SPDYC: variants seen among roughly 807,000 people sequenced by gnomAD.
The protein encoded by SPDYC is speedy/RINGO cell cycle regulator family member C, also known as speedy protein C.
Under a neutral mutation model 33.9 loss-of-function variants are expected in SPDYC, and 25 were observed. That is an observed-to-expected ratio of 0.74 (90% CI 0.54 to 1.03). The LOEUF (loss-of-function observed/expected upper bound fraction) is 1.03, where lower values mean the gene tolerates loss of function less well. Among genes scored for constraint, SPDYC ranks in the 50% least tolerant of loss-of-function variants. The probability of loss-of-function intolerance (pLI) is 0.00; values close to 1 mark genes in which losing one functional copy is unlikely to be tolerated. For synonymous variants in SPDYC, 133 were observed against 140.2 expected, an observed-to-expected ratio of 0.95 and a Z score of 0.36; for missense variants, 349 against 382.9, an observed-to-expected ratio of 0.91 and a Z score of 0.74.
At chr11:65,171,267 C>T in intron 1 of SPDYC, 60 bp from the exon 2 acceptor site, 1 of 1,550,448 alleles carries the variant, frequency 6.4e-7, no homozygotes, top group Non-Finnish European at 8.7e-7. Context: ...TGTCACCACC[C>T]TCTTGATTTG....
intron 1 of SPDYC, 86 bp downstream of exon 1, chr11:65,170,347 C>T: frequency 1.5e-6 from 2 of 1,344,772 alleles, no homozygotes; most frequent in Non-Finnish European, 2.0e-6. Context: ...GTCGACCGCA[C>T]GTTCTCCTCG....
rs1444502796 is a variant in SPDYC, at chr11:65,172,763, C to A, written c.596C>A (p.Pro199Gln). The A allele has an allele frequency of 6.2e-7, 1 of 1,613,864 alleles. No homozygotes were observed. Among genetic ancestry groups the A allele is most frequent in the African/African-American group, 1.3e-5 (1 of 74,910 alleles). Reference sequence around the variant, plus strand: ...CATGGTGGGGTTCAGAGGGTCTGTCCACAGGTCCCTGTTCGCCTTCCCCGG... The same window carrying A: ...CATGGTGGGGTTCAGAGGGTCTGTCAACAGGTCCCTGTTCGCCTTCCCCGG... Residue 199 changes from proline to glutamine, a missense_variant, in exon 6 of 7, where the codon CCA (proline) becomes CAA (glutamine). By Grantham distance (76) the Pro-to-Gln change is moderately conservative (BLOSUM62 -1). Coordinates refer to ENST00000377185, the Ensembl canonical transcript of SPDYC.
At chr11:65,173,067 A>G in intron 6 of SPDYC, 53 bp downstream of exon 6, 1 of 1,599,534 alleles carries the variant, frequency 6.3e-7, no homozygotes. Flanking sequence ...CTTGGGAGGC[A>G]GGAGTGAGGA....
chr11:65,172,927 T>C (rs1364368897), exon 6 of SPDYC: 14 of 1,612,528 alleles, frequency 8.7e-6, no homozygotes, highest in Non-Finnish European at 1.0e-5. Flanking sequence ...AAATTATCTC[T>C]CAAGGGTCAA....
exon 5 of SPDYC, chr11:65,172,448 A>T: frequency 1.3e-6 from 2 of 1,599,972 alleles, no homozygotes; most frequent in African/African-American, 1.3e-5. Context: ...CTTGCAAACG[A>T]CATGGAGGAG....
rs549914208 is a variant in SPDYC at position 65,172,573 on chromosome 11, C to T, written c.484C>T (p.Arg162Trp). Residue 162 changes from arginine (R) to tryptophan (W), a missense_variant, in exon 5 of 7, where the codon CGG becomes TGG. Transcript: ENST00000377185. Reference sequence around the variant, plus strand: ...TAAGCTTTGGGCACGGATGGGTTTCCGGGCTGTTGTGAGCCGCCAGTGCTG... The same window carrying T: ...TAAGCTTTGGGCACGGATGGGTTTCTGGGCTGTTGTGAGCCGCCAGTGCTG... The T allele has an allele frequency of 4.5e-6, 7 of 1,555,238 alleles. No homozygotes were observed. The highest frequency in any genetic ancestry group is 2.7e-5 in the African/African-American group (2 of 73,262).
exon 6 of SPDYC, chr11:65,172,738 C>T (rs1292469193): frequency 1.2e-6 from 2 of 1,613,374 alleles, no homozygotes; most frequent in Non-Finnish European, 1.7e-6. Flanking sequence ...GCGCCCCCAC[C>T]ATGGTGGGGT....
At position 65,171,353 on chromosome 11, in the gene SPDYC, A is replaced by G. The variant is rs201175884; in HGVS notation, c.53A>G (p.Tyr18Cys). 23 of 1,612,140 alleles carry G rather than the reference A, an allele frequency of 1.4e-5. 1 individual carries two copies. The South Asian group carries it at 1.5e-4, about 11-fold the overall frequency. ...TCACCCTGCCCCATCTCCATCTCCT[A>G]TGAGATGAGTGACTCCCAAGACCCC... Residue 18 changes from tyrosine to cysteine, a missense_variant, in exon 2 of 7, where the codon TAT (tyrosine) becomes TGT (cysteine). By Grantham distance (194) the Tyr-to-Cys change is radical. The change abolishes an upstream ATG in the 5' untranslated region. Coordinates refer to ENST00000377185, the Ensembl canonical transcript of SPDYC.
At chr11:65,172,498 C>T (rs150598771) in exon 5 of SPDYC, 2 of 1,581,704 alleles carry the variant, frequency 1.3e-6, no homozygotes, top group Non-Finnish European at 1.7e-6. Flanking sequence ...TCCATGGGCC[C>T]TGGGAAAAGA....
At chr11:65,173,147 G>T in intron 6 of SPDYC, 36 bp from the exon 7 acceptor site, 1 of 1,612,694 alleles carries the variant, frequency 6.2e-7, no homozygotes, top group Non-Finnish European at 8.5e-7. Context: ...AGCTTGGCAG[G>T]TTTCTTCTCT....
rs1208487539 is a variant in SPDYC, at chr11:65,172,747, G to A, written c.580G>A (p.Val194Ile). Residue 194 changes from valine (V) to isoleucine (I), a missense_variant, in exon 6 of 7, where the codon GTT (valine) becomes ATT (isoleucine). Val to Ile is a conservative substitution (Grantham distance 29). Transcript: ENST00000377185. Reference sequence around the variant, plus strand: ...GGACCGGCGCCCCCACCATGGTGGGGTTCAGAGGGTCTGTCCACAGGTCCC... The same window carrying A: ...GGACCGGCGCCCCCACCATGGTGGGATTCAGAGGGTCTGTCCACAGGTCCC... 3 of 1,613,796 alleles carry A rather than the reference G, an allele frequency of 1.9e-6. No individual in the cohort carries two copies. The African/African-American group carries it at 4.0e-5, about 22-fold the overall frequency.
intron 1 of SPDYC, among the ~76,000 whole-genome samples, chr11:65,170,590 T>C (rs1186541363): frequency 6.6e-6 from 1 of 150,396 alleles, no homozygotes; most frequent in East Asian, 1.9e-4. Flanking sequence ...AGTTAAACTC[T>C]TGGGTTTTTT....
chr11:65,171,846 G>A (rs1565372945), intron 2 of SPDYC, 97 bp from the exon 3 acceptor site: 2 of 1,009,844 alleles, frequency 2.0e-6, no homozygotes, highest in African/African-American at 1.6e-5. Context: ...AAGAGAGAGA[G>A]GGTTCAGTGG....
exon 2 of SPDYC, chr11:65,171,470 A>G (rs1012036531): frequency 1.9e-6 from 3 of 1,592,570 alleles, no homozygotes; most frequent in Non-Finnish European, 2.6e-6. Context: ...CGCCAGCACC[A>G]GGAGGTCCAG....
At chr11:65,172,836 G>A (rs755082477) in exon 6 of SPDYC, 1 of 1,614,174 alleles carries the variant, frequency 6.2e-7, no homozygotes, top group Non-Finnish European at 8.5e-7. Flanking sequence ...GTTTGCCCCA[G>A]CACTGCAGCA....
chr11:65,172,933 G>A, exon 6 of SPDYC: 1 of 1,614,036 alleles, frequency 6.2e-7, no homozygotes, highest in South Asian at 1.1e-5. Context: ...TCTCTCAAGG[G>A]TCAAAAACGC....
chr11:65,172,552 C>T (rs767275885), exon 5 of SPDYC: 2 of 1,565,520 alleles, frequency 1.3e-6, no homozygotes, highest in Non-Finnish European at 1.7e-6. Context: ...GAGGGATAAG[C>T]TTTGGGCACG....
chr11:65,172,611 G>A lies in SPDYC; in HGVS notation c.516+6G>A. 1 of 1,552,634 alleles carries A rather than the reference G, an allele frequency of 6.4e-7. No individual in the cohort carries two copies. Among genetic ancestry groups the A allele is most frequent in the Non-Finnish European group, 8.7e-7 (1 of 1,148,766 alleles). ...GCCGCCAGTGCTGTGAGGAGGTGAGGCTGGGAGGCAACCTGGGGTGTGGGG... is the reference window on the plus strand; with the variant it reads ...GCCGCCAGTGCTGTGAGGAGGTGAGACTGGGAGGCAACCTGGGGTGTGGGG... On this transcript the variant is annotated splice_donor_region_variant and intron_variant, in intron 5 of 6. Coordinates refer to ENST00000377185, the Ensembl canonical transcript of SPDYC.
At chr11:65,171,921 G>A (rs770417040) in intron 2 of SPDYC, 22 bp from the exon 3 acceptor site, 9 of 1,613,232 alleles carry the variant, frequency 5.6e-6, no homozygotes, top group Non-Finnish European at 5.9e-6. Context: ...CCTGCGTCCT[G>A]TCATGTCTTC....
Sources: gnomAD v4.1 joint callset for allele counts (sites outside exome capture counted in the v4.1 genomes callset) on GRCh38, gnomAD v4.1.1 for gene constraint, MANE v1.5 for transcripts, NCBI Gene and HGNC (gene_info 2026-07-23, HGNC 2026-07-21) for gene names.